The following GPR160 variants were observed in gnomAD, a reference collection of about 807,000 sequenced individuals.
GPR160 encodes G protein-coupled receptor 160.
A neutral mutation model predicts 2.6 loss-of-function variants in GPR160; 2 were observed. The ratio of observed to expected loss-of-function variants is 0.77; its 90% CI spans 0.32 to 2.44. GPR160 has a LOEUF of 2.44. GPR160 is among the 30% of genes most tolerant of loss of function. The pLI, the probability that GPR160 is intolerant of heterozygous loss-of-function variation, is 0.11. For missense variants in GPR160, 351 were observed against 383.6 expected (o/e 0.91, Z 0.71); for synonymous variants, 130 against 132.2 (o/e 0.98, Z 0.12).
chr3:170,042,709 G>T, intron 2 of GPR160, among the ~76,000 whole-genome samples: 1 of 149,644 alleles, frequency 6.7e-6, no homozygotes. Flanking sequence ...AATAAAATTG[G>T]CCAGTGTGGT....
At chr3:170,064,037 A>T (rs1712149097) in intron 2 of GPR160, among the ~76,000 whole-genome samples, 1 of 152,096 alleles carries the variant, frequency 6.6e-6, no homozygotes, top group Non-Finnish European at 1.5e-5. Context: ...AATAATAATA[A>T]AACACAGGAA....
At chr3:170,061,136 G>A (rs1179594685) in intron 2 of GPR160, among the ~76,000 whole-genome samples, 3 of 151,922 alleles carry the variant, frequency 2.0e-5, no homozygotes, top group Non-Finnish European at 2.9e-5. Flanking sequence ...TTAGCCAGGC[G>A]TGGTGGCAGG....
chr3:170,082,054 C>T (rs142541618), intron 3 of GPR160, among the ~76,000 whole-genome samples: 1,867 of 152,210 alleles, frequency 0.012, 40 homozygotes, highest in African/African-American at 0.042. Flanking sequence ...TCATCAGTGA[C>T]CTATTTTTAG....
intron 2 of GPR160, chr3:170,062,279 AGC>A: frequency 4.9e-6 from 1 of 203,078 alleles, no homozygotes; most frequent in Non-Finnish European, 9.9e-6. Context: ...CGGCGGAGGC[AGC>A]AGCGGGGGTG....
intron 2 of GPR160, chr3:170,078,054 A>G (rs528967141): frequency 6.6e-6 from 1 of 152,340 alleles, no homozygotes; most frequent in South Asian, 2.1e-4. Context: ...ATATAAAAGT[A>G]TTGAAACAAC....
intron 2 of GPR160, among the ~76,000 whole-genome samples, chr3:170,066,399 A>G (rs1712348205): frequency 6.6e-6 from 1 of 151,916 alleles, no homozygotes; most frequent in Non-Finnish European, 1.5e-5. Context: ...TCGGCCTCCC[A>G]AAGTGCTGGG....
intron 2 of GPR160, among the ~76,000 whole-genome samples, chr3:170,053,607 G>C (rs1322871149): frequency 6.6e-6 from 1 of 151,992 alleles, no homozygotes; most frequent in Non-Finnish European, 1.5e-5. Context: ...TTACTGAATG[G>C]GCTAGGATAT....
chr3:170,067,577 C>T (rs1303652623), intron 2 of GPR160, among the ~76,000 whole-genome samples: 1 of 152,106 alleles, frequency 6.6e-6, no homozygotes, highest in Non-Finnish European at 1.5e-5. Context: ...ATGTCACCAC[C>T]TCTCAGGTAA....
chr3:170,042,611 T>G (rs1716500505), intron 2 of GPR160, among the ~76,000 whole-genome samples: 1 of 145,486 alleles, frequency 6.9e-6, no homozygotes, highest in African/African-American at 2.5e-5. Flanking sequence ...AAGGTTTGCT[T>G]GAGGCCAAGA....
At chr3:170,062,375 T>G (rs766844867) in intron 2 of GPR160, 3 of 337,322 alleles carry the variant, frequency 8.9e-6, no homozygotes, top group Middle Eastern at 8.4e-4. Flanking sequence ...ATGTATGTCC[T>G]GGCAATCAAA....
At chr3:170,042,090 C>T (rs1716475717) in intron 2 of GPR160, among the ~76,000 whole-genome samples, 1 of 151,574 alleles carries the variant, frequency 6.6e-6, no homozygotes, top group East Asian at 1.9e-4. Context: ...ACAGTATTCT[C>T]CTAGATTCAT....
intron 2 of GPR160, among the ~76,000 whole-genome samples, chr3:170,061,104 A>G (rs1253023438): frequency 6.6e-6 from 1 of 151,982 alleles, no homozygotes; most frequent in Admixed American, 6.6e-5. Context: ...GTGAAACCAC[A>G]TCTCTACTAA....
intron 2 of GPR160, among the ~76,000 whole-genome samples, chr3:170,075,705 G>A (rs2108343892): frequency 6.6e-6 from 1 of 152,260 alleles, no homozygotes; most frequent in South Asian, 2.1e-4. Flanking sequence ...ATTAACTGTA[G>A]GGATCAAAGA....
chr3:170,046,828 C>G lies in GPR160; in HGVS notation c.-193+7785C>G, dbSNP rs1309406786. ...TCAGGAGAGGAGGTACAGAAGTGAA[C>G]CCAGGTTCAGGCCAGAAATGAGAAC... is the stretch of plus-strand genomic sequence containing the variant. On this transcript the variant is annotated intron_variant, in intron 2 of 3. Coordinates refer to ENST00000355897, the MANE Select transcript of GPR160 (RefSeq NM_014373.3). Among the ~76,000 whole-genome samples, 3 of 152,122 alleles carry G rather than the reference C, an allele frequency of 2.0e-5. No homozygotes were observed. The East Asian group carries it at 5.8e-4, about 29-fold the overall frequency.
chr3:170,061,474 TATGGGACAGTTTTAATTA>T (rs1432343799), intron 2 of GPR160, among the ~76,000 whole-genome samples: 22 of 152,176 alleles, frequency 1.4e-4, no homozygotes, highest in Middle Eastern at 6.8e-3. Context: ...AATTAATATT[TATGGGACAGTTTTAATTA>T]ATGGGACAGT....
At chr3:170,082,822 TG>T (rs968884504) in intron 3 of GPR160, among the ~76,000 whole-genome samples, 3 of 151,962 alleles carry the variant, frequency 2.0e-5, no homozygotes, top group Non-Finnish European at 4.4e-5. Context: ...CTCCAACTCC[TG>T]GGCTCAAGCC....
At chr3:170,073,190 A>G (rs1388451150) in intron 2 of GPR160, among the ~76,000 whole-genome samples, 1 of 149,604 alleles carries the variant, frequency 6.7e-6, no homozygotes, top group African/African-American at 2.4e-5. Flanking sequence ...TCTCTTACCA[A>G]AAAAAAAAAG....
At chr3:170,069,692 C>T (rs1712499718) in intron 2 of GPR160, among the ~76,000 whole-genome samples, 1 of 152,120 alleles carries the variant, frequency 6.6e-6, no homozygotes. Context: ...CCACTCGACC[C>T]CCAGCACACA....
At chr3:170,060,763 C>G (rs1217345806) in intron 2 of GPR160, among the ~76,000 whole-genome samples, 1 of 151,880 alleles carries the variant, frequency 6.6e-6, no homozygotes, top group Non-Finnish European at 1.5e-5. Flanking sequence ...ACAGTGAGAC[C>G]CTGTCTCAAA....
Sources: gnomAD v4.1 joint callset for allele counts (sites outside exome capture counted in the v4.1 genomes callset) on GRCh38, gnomAD v4.1.1 for gene constraint, MANE v1.5 for transcripts, NCBI Gene and HGNC (gene_info 2026-07-23, HGNC 2026-07-21) for gene names.